Variants in KLHL1 observed in about 807,000 individuals in gnomAD.
The protein encoded by KLHL1 is kelch-like protein 1.
In KLHL1, 47 loss-of-function variants were observed where a neutral mutation model predicts 77.7. The ratio of observed to expected loss-of-function variants is 0.60; its 90% CI spans 0.48 to 0.77. The LOEUF is 0.77. Among genes scored for constraint, KLHL1 ranks in the 30% least tolerant of loss-of-function variants. The pLI, the probability that KLHL1 is intolerant of heterozygous loss-of-function variation, is 0.00. For missense variants in KLHL1, 925 were observed against 910.8 expected (o/e 1.02, Z -0.20); for synonymous variants, 360 against 325.2 (o/e 1.11, Z -1.15).
chr13:69,940,843 G>T (rs778767617), intron 3 of KLHL1, among the ~76,000 whole-genome samples: 2 of 127,792 alleles, frequency 1.6e-5, no homozygotes, highest in Admixed American at 8.3e-5. Context: ...TGTTTCCTCT[G>T]TTTTTCTAAT....
At chr13:69,883,500 C>G (rs890379751) in intron 4 of KLHL1, among the ~76,000 whole-genome samples, 1 of 152,190 alleles carries the variant, frequency 6.6e-6, no homozygotes, top group African/African-American at 2.4e-5. Context: ...TTCACTATCC[C>G]CTTGCGGTGT....
chr13:69,851,765 CAGTA>C (rs2138132699), intron 5 of KLHL1, among the ~76,000 whole-genome samples: 1 of 151,836 alleles, frequency 6.6e-6, no homozygotes, highest in East Asian at 1.9e-4. Context: ...TTATCATTTA[CAGTA>C]AGTTTCTGGA....
intron 6 of KLHL1, among the ~76,000 whole-genome samples, chr13:69,809,754 T>C (rs1438054424): frequency 2.0e-5 from 3 of 151,580 alleles, no homozygotes; most frequent in African/African-American, 4.8e-5. Context: ...GAGAGGTAAA[T>C]TGGATTAAAA....
intron 5 of KLHL1, among the ~76,000 whole-genome samples, chr13:69,868,639 T>C (rs1880462157): frequency 6.6e-6 from 1 of 152,132 alleles, no homozygotes; most frequent in Non-Finnish European, 1.5e-5. Flanking sequence ...ATCTGCGTTG[T>C]TATTTATTTT....
intron 1 of KLHL1, among the ~76,000 whole-genome samples, chr13:70,040,488 C>A (rs951833000): frequency 6.6e-6 from 1 of 152,136 alleles, no homozygotes; most frequent in Admixed American, 6.6e-5. Flanking sequence ...ATATAGAATT[C>A]TGGGATCACA....
intron 1 of KLHL1, among the ~76,000 whole-genome samples, chr13:70,010,252 T>C (rs1163320022): frequency 2.0e-5 from 3 of 152,130 alleles, no homozygotes; most frequent in Non-Finnish European, 4.4e-5. Flanking sequence ...ATCACTAGTG[T>C]TATGTATAGA....
At chr13:69,806,806 T>A (rs759645114) in intron 6 of KLHL1, among the ~76,000 whole-genome samples, 16 of 151,928 alleles carry the variant, frequency 1.1e-4, no homozygotes, top group Non-Finnish European at 1.8e-4. Context: ...ATTTTGAGAG[T>A]GCAGATACTG....
intron 4 of KLHL1, among the ~76,000 whole-genome samples, chr13:69,928,228 C>G (rs575549061): frequency 1.3e-5 from 2 of 152,304 alleles, no homozygotes; most frequent in Admixed American, 1.3e-4. Context: ...AAATCATCAG[C>G]TACAGAATAG....
At chr13:69,837,701 T>G (rs117264389) in intron 6 of KLHL1, among the ~76,000 whole-genome samples, 17,402 of 146,696 alleles carry the variant, frequency 0.12, 1,561 homozygotes, top group Admixed American at 0.24. Flanking sequence ...CATATATATA[T>G]AGATCTCATA....
intron 4 of KLHL1, among the ~76,000 whole-genome samples, chr13:69,918,645 TAC>T (rs1278149110): frequency 6.6e-6 from 1 of 152,098 alleles, no homozygotes; most frequent in East Asian, 1.9e-4. Flanking sequence ...CTAATATAAT[TAC>T]AGTCTTCCTT....
chr13:69,882,276 T>A lies in KLHL1; in HGVS notation c.1227+7A>T, dbSNP rs1226714960. The stretch of plus-strand genomic sequence containing the variant: ...GAATCTATTTAAACAGCGTCACACA[T>A]CATTACCTGTGGTGGAAGCAGTGGC... On this transcript the variant is annotated splice_region_variant and intron_variant, in intron 5 of 10. Transcript: ENST00000377844. The A allele has an allele frequency of 1.9e-6, 3 of 1,593,864 alleles. No homozygotes were observed. The highest frequency in any genetic ancestry group is 2.6e-6 in the Non-Finnish European group (3 of 1,161,622).
intron 1 of KLHL1, among the ~76,000 whole-genome samples, chr13:70,091,643 A>G (rs565296885): frequency 6.6e-5 from 10 of 152,138 alleles, no homozygotes; most frequent in South Asian, 2.1e-4. Context: ...TAATTCATCA[A>G]TCTGCTGCAG....
In KLHL1 at chr13:69,832,698, T is replaced by A. The variant is rs528490576; in HGVS notation, c.1414+6278A>T. ...ATCTAAAGGCATCACGTCACCCAAC[T>A]TCAAACTGTACAATAAGACTATAGC... On this transcript the variant is annotated intron_variant, in intron 6 of 10. Transcript: ENST00000377844. 7.2e-5 allele frequency among the ~76,000 whole-genome samples: 11 copies of A among 152,092 alleles called. No individual in the cohort carries two copies. The South Asian group carries it at 2.3e-3, about 32-fold the overall frequency.
chr13:70,011,445 T>C (rs1025595681), intron 1 of KLHL1, among the ~76,000 whole-genome samples: 3 of 152,198 alleles, frequency 2.0e-5, no homozygotes, highest in Non-Finnish European at 2.9e-5. Flanking sequence ...TCTTCCTTAT[T>C]GATATTTTGT....
intron 7 of KLHL1, among the ~76,000 whole-genome samples, chr13:69,789,810 C>T (rs895176491): frequency 6.6e-6 from 1 of 151,916 alleles, no homozygotes; most frequent in African/African-American, 2.4e-5. Flanking sequence ...CTGGAGTGAC[C>T]AAAGCAAAGA....
At chr13:69,953,496 A>G (rs1883776479) in intron 3 of KLHL1, among the ~76,000 whole-genome samples, 1 of 151,228 alleles carries the variant, frequency 6.6e-6, no homozygotes, top group African/African-American at 2.4e-5. Flanking sequence ...ATGATTTTAC[A>G]TCTTATAATA....
intron 1 of KLHL1, among the ~76,000 whole-genome samples, chr13:70,045,353 A>C (rs1444255349): frequency 6.6e-6 from 1 of 152,062 alleles, no homozygotes; most frequent in Non-Finnish European, 1.5e-5. Flanking sequence ...AAGCATACTC[A>C]TCATTTAGCA....
At chr13:70,040,092 T>C (rs1341834369) in intron 1 of KLHL1, among the ~76,000 whole-genome samples, 1 of 152,164 alleles carries the variant, frequency 6.6e-6, no homozygotes, top group African/African-American at 2.4e-5. Context: ...TTATGTCTCT[T>C]TACCCTCCTT....
intron 6 of KLHL1, among the ~76,000 whole-genome samples, chr13:69,808,386 T>A (rs73212518): frequency 2.8e-4 from 43 of 152,114 alleles, no homozygotes; most frequent in Non-Finnish European, 5.7e-4. Context: ...CCAGACAAAA[T>A]TACATTACTA....
Sources: gnomAD v4.1 joint callset for allele counts (sites outside exome capture counted in the v4.1 genomes callset) on GRCh38, gnomAD v4.1.1 for gene constraint, MANE v1.5 for transcripts, NCBI Gene and HGNC (gene_info 2026-07-23, HGNC 2026-07-21) for gene names.